DCT: variants seen among roughly 807,000 people sequenced by gnomAD.
DCT encodes L-dopachrome tautomerase.
A neutral mutation model predicts 53.0 loss-of-function variants in DCT; 47 were observed. The ratio of observed to expected loss-of-function variants is 0.89; its 90% confidence interval spans 0.70 to 1.13. The LOEUF (loss-of-function observed/expected upper bound fraction) is 1.13, where lower values mean the gene tolerates loss of function less well. Ranked by LOEUF, DCT falls within the 50% of genes most tolerant of loss-of-function variation. The pLI is 0.00. For missense variants in DCT, 669 were observed against 637.4 expected, an observed-to-expected ratio of 1.05 and a Z score of -0.53; for synonymous variants, 244 against 237.0, an observed-to-expected ratio of 1.03 and a Z score of -0.27.
intron 4 of DCT, among the ~76,000 whole-genome samples, chr13:94,465,128 C>T (rs1425320197): frequency 6.6e-6 from 1 of 152,184 alleles, no homozygotes; most frequent in Non-Finnish European, 1.5e-5. Context: ...TATTACAGTA[C>T]TTCCCACACT....
At chr13:94,507,273 A>G in the DCT span, among the ~76,000 whole-genome samples, 3 of 152,204 alleles carry the variant, frequency 2.0e-5, no homozygotes, top group African/African-American at 7.2e-5. Flanking sequence ...AGCTGGGGGT[A>G]AAAAGTAAAG....
Position 94,479,041 on chromosome 13 carries a change from C to A in DCT, c.215G>T (p.Ser72Ile), listed in dbSNP as rs539459863. ...CTGGTTTCGTAGGATGTAGGGACCA[C>A]TCCAGGGCCTTGTGTCGGCTCGCAC... is the stretch of plus-strand genomic sequence containing the variant. ...TEVRADTRPWSGPYILRNQDD... is the reference protein window; with the variant it reads ...TEVRADTRPWIGPYILRNQDD... Residue 72 changes from serine (S) to isoleucine (I), a missense_variant, in exon 1 of 8, where the codon AGT (serine) becomes ATT (isoleucine). Ser to Ile is a moderately radical substitution (Grantham distance 142). Transcript: ENST00000377028. The A allele has an allele frequency of 3.7e-6, 6 of 1,614,138 alleles. No individual in the cohort carries two copies. Among genetic ancestry groups the A allele is most frequent in the Non-Finnish European group, 3.4e-6 (4 of 1,180,054 alleles).
the DCT span, among the ~76,000 whole-genome samples, chr13:94,529,504 C>A: frequency 1.3e-5 from 2 of 152,214 alleles, no homozygotes; most frequent in Admixed American, 1.3e-4. Flanking sequence ...AACCACACAA[C>A]TACATGGAAA....
chr13:94,440,699 T>TA (rs1013211310), intron 7 of DCT, among the ~76,000 whole-genome samples: 7 of 148,486 alleles, frequency 4.7e-5, no homozygotes, highest in East Asian at 3.9e-4. Context: ...TTTTTTTTTT[T>TA]AGATAAAGTC....
chr13:94,535,901 C>T, the DCT span, among the ~76,000 whole-genome samples: 3,012 of 152,254 alleles, frequency 0.02, 122 homozygotes, highest in African/African-American at 0.069. Flanking sequence ...CCAGGTTTCC[C>T]TCTTCGAGGA....
At chr13:94,482,753 G>C (rs1235799189), upstream of DCT, among the ~76,000 whole-genome samples, 1 of 152,152 alleles carries the variant, frequency 6.6e-6, no homozygotes, top group African/African-American at 2.4e-5. Context: ...CAAATTAAAT[G>C]CTTTTATTTT....
chr13:94,510,514 C>T, the DCT span, among the ~76,000 whole-genome samples: 2 of 152,206 alleles, frequency 1.3e-5, no homozygotes, highest in Non-Finnish European at 2.9e-5. Flanking sequence ...TCTTAATTTT[C>T]ATACTGAGCA....
the DCT span, among the ~76,000 whole-genome samples, chr13:94,491,675 T>C: frequency 6.6e-6 from 1 of 152,184 alleles, no homozygotes; most frequent in African/African-American, 2.4e-5. Context: ...TCATGCTGTA[T>C]GGAAGAGAAA....
chr13:94,545,088 G>C, the DCT span, among the ~76,000 whole-genome samples: 2 of 152,140 alleles, frequency 1.3e-5, no homozygotes, highest in South Asian at 4.2e-4. Context: ...GGCATCAGTG[G>C]GGTTCCCAGG....
intron 6 of DCT, chr13:94,444,293 AG>A: frequency 2.5e-6 from 1 of 402,282 alleles, no homozygotes; most frequent in South Asian, 1.9e-5. Context: ...TCTGGTCCCA[AG>A]CATTTCAGAT....
chr13:94,511,604 C>T, the DCT span, among the ~76,000 whole-genome samples: 899 of 152,230 alleles, frequency 5.9e-3, 13 homozygotes, highest in African/African-American at 0.02. Flanking sequence ...AAGTGATCCA[C>T]TTGCCTTGCC....
the DCT span, among the ~76,000 whole-genome samples, chr13:94,516,574 G>A: frequency 3.6e-4 from 55 of 152,274 alleles, no homozygotes; most frequent in East Asian, 8.9e-3. Context: ...TGACATTACT[G>A]AAAGGGAGGG....
intron 7 of DCT, among the ~76,000 whole-genome samples, chr13:94,440,631 A>G (rs946536138): frequency 5.5e-5 from 7 of 127,400 alleles, no homozygotes; most frequent in African/African-American, 2.1e-4. Flanking sequence ...ACTCTCATAT[A>G]TTTTATAAGC....
the DCT span, among the ~76,000 whole-genome samples, chr13:94,531,557 A>G: frequency 6.6e-6 from 1 of 152,226 alleles, no homozygotes; most frequent in East Asian, 1.9e-4. Context: ...TCCCTATTTA[A>G]TAAATGGTGC....
chr13:94,497,734 GGGTGGCAGA>G, the DCT span, among the ~76,000 whole-genome samples: 2 of 152,166 alleles, frequency 1.3e-5, no homozygotes, highest in African/African-American at 4.8e-5. Context: ...GCTGTCTCAG[GGGTGGCAGA>G]GGTGGAAGAG....
chr13:94,492,117 G>A, the DCT span, among the ~76,000 whole-genome samples: 2 of 152,238 alleles, frequency 1.3e-5, no homozygotes, highest in South Asian at 4.2e-4. Context: ...TTTGTCTCAA[G>A]CATCGCATTT....
At chr13:94,510,015 A>T in the DCT span, among the ~76,000 whole-genome samples, 1 of 132,452 alleles carries the variant, frequency 7.5e-6, no homozygotes, top group African/African-American at 3.2e-5. Flanking sequence ...AATGATATTC[A>T]GTTGTAATCT....
the DCT span, among the ~76,000 whole-genome samples, chr13:94,484,736 C>A: frequency 0.014 from 2,078 of 152,152 alleles, 42 homozygotes; most frequent in African/African-American, 0.048. Flanking sequence ...TTTTTTTATA[C>A]GAACACTGGT....
intron 7 of DCT, among the ~76,000 whole-genome samples, chr13:94,440,834 C>T (rs1189410396): frequency 6.6e-6 from 1 of 151,902 alleles, no homozygotes; most frequent in Admixed American, 6.6e-5. Context: ...GCACCCATCA[C>T]CATGCTCAGA....
Sources: gnomAD v4.1 joint callset for allele counts (sites outside exome capture counted in the v4.1 genomes callset) on GRCh38, gnomAD v4.1.1 for gene constraint, MANE v1.5 for transcripts, NCBI Gene and HGNC (gene_info 2026-07-23, HGNC 2026-07-21) for gene names.